The following FAT3 variants were observed in gnomAD, a reference collection of about 807,000 sequenced individuals.
The protein encoded by FAT3 is FAT atypical cadherin 3, also known as protocadherin Fat 3.
Under a neutral mutation model 310.2 loss-of-function variants are expected in FAT3, and 95 were observed. That is an observed-to-expected ratio of 0.31 (90% CI 0.26 to 0.36). The LOEUF is 0.36. Ranked by LOEUF, FAT3 falls within the 10% of genes least tolerant of loss-of-function variation. The pLI, the probability that FAT3 is intolerant of heterozygous loss-of-function variation, is 1.00. For missense variants in FAT3, 5,408 were observed against 5,715.6 expected (o/e 0.95, Z 1.74); for synonymous variants, 2,314 against 2,192.9 (o/e 1.06, Z -1.54).
rs1044824423 is a variant in FAT3, at chr11:92,743,760, G to A, written c.3670-18096G>A. Among the ~76,000 whole-genome samples, 4 of 152,228 alleles carry A rather than the reference G, an allele frequency of 2.6e-5. No homozygotes were observed. In the East Asian group the frequency reaches 7.7e-4, roughly 29 times the overall value. On this transcript the variant is annotated intron_variant, in intron 4 of 27. Coordinates refer to ENST00000525166, the MANE Select transcript of FAT3 (RefSeq NM_001367949.2). The stretch of plus-strand genomic sequence containing the variant: ...CTTGAAGAAATGATTGGATCATGAG[G>A]GCTCTGCTATGAATGGATTTATTGG...
At chr11:92,613,689 G>A (rs34882985) in intron 3 of FAT3, among the ~76,000 whole-genome samples, 4,572 of 152,212 alleles carry the variant, frequency 0.03, 104 homozygotes, top group Middle Eastern at 0.061. Context: ...TCCTCATCAC[G>A]GTATCAGGCA....
intron 6 of FAT3, among the ~76,000 whole-genome samples, chr11:92,771,049 G>A (rs913318253): frequency 1.3e-5 from 2 of 152,078 alleles, no homozygotes; most frequent in African/African-American, 4.8e-5. Context: ...TCACAACCTC[G>A]CTTTTAACCA....
At chr11:92,714,032 A>G (rs990786449) in intron 4 of FAT3, among the ~76,000 whole-genome samples, 1 of 146,648 alleles carries the variant, frequency 6.8e-6, no homozygotes, top group Non-Finnish European at 1.5e-5. Flanking sequence ...AGACTCTCTA[A>G]CAAGTCTAGT....
intron 4 of FAT3, among the ~76,000 whole-genome samples, chr11:92,746,462 G>A (rs533017225): frequency 1.3e-5 from 2 of 152,258 alleles, no homozygotes; most frequent in Non-Finnish European, 2.9e-5. Flanking sequence ...TTGATATGTG[G>A]GGATTATTAC....
intron 3 of FAT3, among the ~76,000 whole-genome samples, chr11:92,582,513 A>G (rs1049706703): frequency 2.0e-5 from 3 of 152,154 alleles, no homozygotes; most frequent in Admixed American, 6.6e-5. Context: ...AATTCTAGCA[A>G]TCCTTCATAT....
intron 3 of FAT3, among the ~76,000 whole-genome samples, chr11:92,553,697 C>CTTCCTTCA (rs1954902705): frequency 1.3e-5 from 2 of 149,834 alleles, no homozygotes; most frequent in Non-Finnish European, 3.0e-5. Flanking sequence ...TCCTTCCTTC[C>CTTCCTTCA]TTCCTTCCTT....
intron 3 of FAT3, among the ~76,000 whole-genome samples, chr11:92,624,290 A>G (rs1375641623): frequency 6.6e-6 from 1 of 152,206 alleles, no homozygotes; most frequent in East Asian, 1.9e-4. Context: ...AGGTAGGTAC[A>G]TGAACACAGA....
intron 3 of FAT3, among the ~76,000 whole-genome samples, chr11:92,607,617 C>T (rs1940365171): frequency 6.6e-6 from 1 of 152,114 alleles, no homozygotes; most frequent in African/African-American, 2.4e-5. Flanking sequence ...TAGAACTATA[C>T]TTTAAACGTG....
chr11:92,762,293 G>A, intron 5 of FAT3, 123 bp downstream of exon 5: 1 of 975,914 alleles, frequency 1.0e-6, no homozygotes. Flanking sequence ...GCTGTGGAAG[G>A]GTTCTTTCTG....
At chr11:92,266,686 G>A (rs1945964776) in intron 1 of FAT3, among the ~76,000 whole-genome samples, 2 of 152,148 alleles carry the variant, frequency 1.3e-5, no homozygotes, top group Non-Finnish European at 2.9e-5. Context: ...CAAGCTCTCT[G>A]CTCAGGGATG....
intron 4 of FAT3, among the ~76,000 whole-genome samples, chr11:92,756,949 A>T (rs1333027457): frequency 9.0e-6 from 1 of 111,194 alleles, no homozygotes. Flanking sequence ...TTTTAGACAG[A>T]GGTTTGCTCT....
chr11:92,545,022 C>T (rs965982085), intron 3 of FAT3, among the ~76,000 whole-genome samples: 2 of 152,180 alleles, frequency 1.3e-5, no homozygotes, highest in South Asian at 4.1e-4. Context: ...CTGCTGCCTT[C>T]CTTCCTCCTC....
chr11:92,275,462 G>A lies in FAT3; in HGVS notation c.-18+50288G>A, dbSNP rs188980548. ...GGCTCATCTTTGGTTCTACTGATTG[G>A]CAAACATAAGAATAAGCATGCTTAT... is the stretch of plus-strand genomic sequence containing the variant. On this transcript the variant is annotated intron_variant, in intron 1 of 27. Transcript: ENST00000525166. Among the ~76,000 whole-genome samples the A allele has an allele frequency of 2.0e-4, 31 of 151,856 alleles. No homozygotes were observed. The East Asian group carries it at 6.0e-3, about 30-fold the overall frequency.
chr11:92,348,835 G>A (rs190865158), intron 1 of FAT3, among the ~76,000 whole-genome samples: 3 of 152,252 alleles, frequency 2.0e-5, no homozygotes, highest in African/African-American at 4.8e-5. Context: ...GAAGTAAGAT[G>A]TGCTTTTTGT....
chr11:92,393,651 G>A (rs747018445), intron 2 of FAT3, among the ~76,000 whole-genome samples: 22 of 152,174 alleles, frequency 1.4e-4, no homozygotes, highest in Admixed American at 8.5e-4. Flanking sequence ...TAAAAATAAT[G>A]TGGAATTTAC....
intron 2 of FAT3, among the ~76,000 whole-genome samples, chr11:92,414,883 G>A (rs1204369584): frequency 2.0e-5 from 3 of 151,952 alleles, no homozygotes; most frequent in Non-Finnish European, 4.4e-5. Flanking sequence ...GGTGGCAGGC[G>A]CCTGTAGTCC....
intron 1 of FAT3, among the ~76,000 whole-genome samples, chr11:92,270,213 G>T (rs1301184174): frequency 6.6e-6 from 1 of 151,972 alleles, no homozygotes; most frequent in Non-Finnish European, 1.5e-5. Context: ...ATATTACCTT[G>T]CCCTGGTTTT....
chr11:92,551,419 T>TGTGTGTGTGTGTGA (rs1954816488), intron 3 of FAT3, among the ~76,000 whole-genome samples: 1 of 87,818 alleles, frequency 1.1e-5, no homozygotes, highest in Non-Finnish European at 2.5e-5. Context: ...TTGTTTTGTG[T>TGTGTGTGTGTGTGA]GTGTGTGTGT....
intron 3 of FAT3, among the ~76,000 whole-genome samples, chr11:92,613,668 C>T (rs1041573613): frequency 6.6e-6 from 1 of 152,122 alleles, no homozygotes; most frequent in African/African-American, 2.4e-5. Flanking sequence ...AAGCTGAATC[C>T]CTAAGAGCTC....
Sources: gnomAD v4.1 joint callset for allele counts (sites outside exome capture counted in the v4.1 genomes callset) on GRCh38, gnomAD v4.1.1 for gene constraint, MANE v1.5 for transcripts, NCBI Gene and HGNC (gene_info 2026-07-23, HGNC 2026-07-21) for gene names.